The following FAM163B variants were observed in gnomAD, a reference collection of about 807,000 sequenced individuals.
FAM163B encodes the protein protein FAM163B.
FAM163B carries 4 observed loss-of-function variants against 7.6 expected under a neutral mutation model. The observed-to-expected ratio is 0.52, with a 90% CI of 0.26 to 1.20. The LOEUF (loss-of-function observed/expected upper bound fraction) is 1.20, where lower values mean the gene tolerates loss of function less well. Among genes scored for constraint, FAM163B ranks in the 50% most tolerant of loss-of-function variants. The pLI is 0.14. For synonymous variants in FAM163B, 120 were observed against 111.6 expected, an observed-to-expected ratio of 1.07 and a Z score of -0.47; for missense variants, 250 against 243.0, an observed-to-expected ratio of 1.03 and a Z score of -0.19.
rs1831785084 is a variant in FAM163B, at chr9:133,606,004, G to A, written c.-24+3073C>T. 6.6e-6 allele frequency among the ~76,000 whole-genome samples: 1 copy of A among 152,168 alleles called. No individual in the cohort carries two copies. On this transcript the variant is annotated intron_variant, in intron 1 of 2. Coordinates refer to ENST00000673969, the MANE Select transcript of FAM163B (RefSeq NM_001080515.3). This position sits in a 1 kb window ranked among gnomAD's most constrained non-coding sequence, Gnocchi z 4.0. ...CGAACCATGTCCCTCCGGGCTCCCA[G>A]AGCCTGGTTCCTGTGGACTGCGGCG...
chr9:133,591,235 G>A (rs903216893), intron 1 of FAM163B, among the ~76,000 whole-genome samples: 5 of 152,194 alleles, frequency 3.3e-5, no homozygotes, highest in Non-Finnish European at 5.9e-5. Flanking sequence ...CTGGCACTGG[G>A]CCCCTGTCTC....
rs1351168180 is a variant in FAM163B, at chr9:133,600,242, A to G, written c.-24+8835T>C. On this transcript the variant is annotated intron_variant, in intron 1 of 2. Transcript: ENST00000673969. This position sits in a 1 kb window ranked among gnomAD's most constrained non-coding sequence, Gnocchi z 4.9. Reference sequence around the variant, plus strand: ...GTGGGGGGGAATGTGGTCTGTGTGCATGTGTGTGAGTGTGGTCTGTGTGTG... The same window carrying G: ...GTGGGGGGGAATGTGGTCTGTGTGCGTGTGTGTGAGTGTGGTCTGTGTGTG... Among the ~76,000 whole-genome samples the G allele has an allele frequency of 3.0e-5, 4 of 133,528 alleles. No individual in the cohort carries two copies. The highest frequency in any genetic ancestry group is 3.2e-5 in the Non-Finnish European group (2 of 62,448). The allele number at this position is 133,528 out of a possible 152,430, so 87.6% of individuals were successfully genotyped here.
chr9:133,586,624 G>A (rs1831442679), intron 1 of FAM163B, among the ~76,000 whole-genome samples: 1 of 152,194 alleles, frequency 6.6e-6, no homozygotes, highest in African/African-American at 2.4e-5. Flanking sequence ...CTGCCCAGCA[G>A]AAGCAGGGCA....
At chr9:133,598,104 C>T (rs983695990) in intron 1 of FAM163B, among the ~76,000 whole-genome samples, 3 of 152,336 alleles carry the variant, frequency 2.0e-5, no homozygotes, top group South Asian at 4.1e-4. Flanking sequence ...GCTCCCTGCT[C>T]AGCCTTCAAT....
At chr9:133,597,342 G>GA (rs1831646505) in intron 1 of FAM163B, among the ~76,000 whole-genome samples, 1 of 152,128 alleles carries the variant, frequency 6.6e-6, no homozygotes, top group Non-Finnish European at 1.5e-5. Context: ...TGCCTAAGAT[G>GA]AAAAATGCAG....
intron 1 of FAM163B, among the ~76,000 whole-genome samples, chr9:133,595,519 G>A (rs1426993305): frequency 6.6e-6 from 1 of 152,204 alleles, no homozygotes; most frequent in Non-Finnish European, 1.5e-5. Flanking sequence ...TTGAGGACAA[G>A]GGGCTGTAGC....
intron 1 of FAM163B, among the ~76,000 whole-genome samples, chr9:133,589,775 C>T (rs1468095781): frequency 2.0e-5 from 3 of 152,202 alleles, no homozygotes; most frequent in South Asian, 4.2e-4. Flanking sequence ...TCCCAGGGGG[C>T]GGGAACAGCA....
At chr9:133,586,434 C>T (rs1036827997) in intron 1 of FAM163B, among the ~76,000 whole-genome samples, 16 of 152,306 alleles carry the variant, frequency 1.1e-4, no homozygotes, top group Non-Finnish European at 2.1e-4. Flanking sequence ...CGTTCGTGCC[C>T]AGGGTTTGCC....
chr9:133,579,640 C>T (rs1378381132), intron 2 of FAM163B, among the ~76,000 whole-genome samples: 1 of 152,250 alleles, frequency 6.6e-6, no homozygotes, highest in African/African-American at 2.4e-5. Flanking sequence ...ATCCACTCAT[C>T]TCTTCCGCCC....
At chr9:133,596,712 G>A (rs1458807400) in intron 1 of FAM163B, among the ~76,000 whole-genome samples, 1 of 152,214 alleles carries the variant, frequency 6.6e-6, no homozygotes, top group East Asian at 1.9e-4. Flanking sequence ...CAGAACTGGG[G>A]AGGAGCCTGC....
rs1831266929 is a variant in FAM163B at position 133,577,373 on chromosome 9, G to A, written c.*1649C>T. On this transcript the variant is annotated 3_prime_UTR_variant, in exon 3 of 3. Transcript: ENST00000673969. ...GTGTGGGCGGGCCCGGGGGGCCGGG[G>A]CTGCGAGGGACCTCAAGGGCGAATG... Among the ~76,000 whole-genome samples the A allele has an allele frequency of 2.6e-5, 4 of 152,240 alleles. No homozygotes were observed. In the South Asian group the frequency reaches 6.2e-4, roughly 24 times the overall value.
intron 1 of FAM163B, among the ~76,000 whole-genome samples, chr9:133,590,082 CCCCTTCCCTTCCCCTTCCCCTT>C (rs1564193489): frequency 2.2e-5 from 1 of 46,450 alleles, no homozygotes; most frequent in African/African-American, 8.7e-5. Flanking sequence ...CCTTCCCCTT[CCCCTTCCCTTCCCCTTCCCCTT>C]CCCTTCCCCT....
chr9:133,587,413 G>A (rs567151699), intron 1 of FAM163B, among the ~76,000 whole-genome samples: 25 of 152,296 alleles, frequency 1.6e-4, no homozygotes, highest in African/African-American at 4.8e-4. Context: ...GTCCCCCCCT[G>A]GCCTGGTCCC....
chr9:133,598,460 T>C (rs576918990), intron 1 of FAM163B, among the ~76,000 whole-genome samples: 1 of 151,962 alleles, frequency 6.6e-6, no homozygotes, highest in East Asian at 1.9e-4. Flanking sequence ...ATTTTAGCTG[T>C]TCACAAGGTT....
intron 1 of FAM163B, among the ~76,000 whole-genome samples, chr9:133,590,055 CCCTT>C (rs148295187): frequency 0.099 from 3,178 of 32,228 alleles, 556 homozygotes; most frequent in East Asian, 0.33. Flanking sequence ...CCCTTCCCTT[CCCTT>C]CCCTTCCCCT....
rs977426574 is a variant in FAM163B, at chr9:133,601,415, G to C, written c.-24+7662C>G. On this transcript the variant is annotated intron_variant, in intron 1 of 2. Transcript: ENST00000673969. The surrounding 1 kb of genome is among the most constrained non-coding windows in gnomAD (Gnocchi z 4.1). ...TGGAGGTGTGCTGTTGAAAGGGTCT[G>C]TCTTGCAGGTGAGAGGATTTTTTAG... 1.3e-5 allele frequency among the ~76,000 whole-genome samples: 2 copies of C among 152,208 alleles called. No homozygotes were observed. The highest frequency in any genetic ancestry group is 2.4e-5 in the African/African-American group (1 of 41,438).
At chr9:133,599,339 A>C (rs1831678705) in intron 1 of FAM163B, among the ~76,000 whole-genome samples, 1 of 152,182 alleles carries the variant, frequency 6.6e-6, no homozygotes, top group East Asian at 1.9e-4. Context: ...TCCCCTTCCC[A>C]GCACATGGTG....
chr9:133,586,633 C>A (rs1831442718), intron 1 of FAM163B, among the ~76,000 whole-genome samples: 2 of 152,176 alleles, frequency 1.3e-5, no homozygotes, highest in African/African-American at 4.8e-5. Context: ...AGAAGCAGGG[C>A]ACACAGTGTG....
chr9:133,578,018 T>G lies in FAM163B; in HGVS notation c.*1004A>C, dbSNP rs1355490819. On this transcript the variant is annotated 3_prime_UTR_variant, in exon 3 of 3. Transcript: ENST00000673969. ...AGGTGACCTGCAACTCTGTCTCCCTTGGGGATCTCAGTTCCTGTTGAGACC... is the reference window on the plus strand; with the variant it reads ...AGGTGACCTGCAACTCTGTCTCCCTGGGGGATCTCAGTTCCTGTTGAGACC... Among the ~76,000 whole-genome samples the G allele has an allele frequency of 6.6e-6, 1 of 152,060 alleles. No homozygotes were observed. The highest frequency in any genetic ancestry group is 1.9e-4 in the East Asian group (1 of 5,156).
Sources: allele counts gnomAD v4.1 joint callset (sites outside exome capture counted in the v4.1 genomes callset), GRCh38; gene constraint gnomAD v4.1.1; non-coding constraint Gnocchi (gnomAD v3.1); transcripts MANE v1.5; gene names NCBI Gene and HGNC (gene_info 2026-07-23, HGNC 2026-07-21).